CCDC171: variants seen among roughly 807,000 people sequenced by gnomAD.
CCDC171 encodes the protein coiled-coil domain-containing protein 171.
CCDC171 carries 177 observed loss-of-function variants against 168.2 expected under a neutral mutation model. The ratio of observed to expected loss-of-function variants is 1.05; its 90% CI spans 0.93 to 1.19. CCDC171 has a LOEUF of 1.19. Ranked by LOEUF, CCDC171 falls within the 50% of genes most tolerant of loss-of-function variation. The pLI, the probability that CCDC171 is intolerant of heterozygous loss-of-function variation, is 0.00. For synonymous variants in CCDC171, 687 were observed against 540.8 expected, an observed-to-expected ratio of 1.27 and a Z score of -3.75; for missense variants, 1,991 against 1,539.0, an observed-to-expected ratio of 1.29 and a Z score of -4.91.
intron 18 of CCDC171, among the ~76,000 whole-genome samples, chr9:15,770,327 C>T (rs1252567115): frequency 6.6e-6 from 1 of 152,110 alleles, no homozygotes; most frequent in Non-Finnish European, 1.5e-5. Flanking sequence ...TTTGAAATGT[C>T]CTGTCTTGTA....
At chr9:15,924,629 A>G (rs556396179) in intron 25 of CCDC171, among the ~76,000 whole-genome samples, 5 of 151,646 alleles carry the variant, frequency 3.3e-5, no homozygotes, top group South Asian at 2.1e-4. Flanking sequence ...AGCATATTCC[A>G]GTGACTGAGC....
chr9:16,019,646 C>T (rs1198713680), intron 3 of CCDC171, among the ~76,000 whole-genome samples: 1 of 152,122 alleles, frequency 6.6e-6, no homozygotes, highest in East Asian at 1.9e-4. Context: ...CTACAGTCTA[C>T]AATTACCATA....
intron 23 of CCDC171, among the ~76,000 whole-genome samples, chr9:15,872,366 T>C (rs1008059097): frequency 6.6e-6 from 1 of 152,074 alleles, no homozygotes; most frequent in Non-Finnish European, 1.5e-5. Context: ...ATTTAGAGAA[T>C]ATAAAATGTG....
chr9:15,695,316 G>C lies in CCDC171; in HGVS notation c.1297G>C (p.Val433Leu), dbSNP rs778747007. ...GGAATCGATCTTGGACAGCTTTACT[G>C]TGTCGGGCCAGTGGACATCAGGTTA... is the stretch of plus-strand genomic sequence containing the variant. ...ELESILDSFT[V>L]SGQWTSGIHK... Residue 433 changes from valine (V) to leucine (L), a missense_variant, in exon 11 of 26, where the codon GTG becomes CTG. Val to Leu is a conservative substitution (Grantham distance 32). Transcript: ENST00000380701. 1 of 1,613,948 alleles carries C rather than the reference G, an allele frequency of 6.2e-7. No individual in the cohort carries two copies.
the CCDC171 span, among the ~76,000 whole-genome samples, chr9:16,106,842 A>C: frequency 6.6e-6 from 1 of 152,150 alleles, no homozygotes; most frequent in Non-Finnish European, 1.5e-5. Context: ...CAGCACACTC[A>C]GGGTTTTCCT....
At chr9:15,720,508 T>C (rs2053407444) in intron 11 of CCDC171, among the ~76,000 whole-genome samples, 2 of 152,214 alleles carry the variant, frequency 1.3e-5, no homozygotes, top group Admixed American at 6.5e-5. Flanking sequence ...ATATGAATGC[T>C]GCTCTTAAAA....
chr9:15,715,876 A>C (rs2053044775), intron 11 of CCDC171, among the ~76,000 whole-genome samples: 1 of 152,226 alleles, frequency 6.6e-6, no homozygotes, highest in Non-Finnish European at 1.5e-5. Flanking sequence ...GTCTAAAAGG[A>C]AACGTGTAAA....
intron 1 of CCDC171, among the ~76,000 whole-genome samples, chr9:15,559,618 A>T (rs1413577218): frequency 2.0e-5 from 3 of 152,036 alleles, no homozygotes; most frequent in African/African-American, 4.8e-5. Context: ...TTTTAAGCCT[A>T]TGTGTGTCTC....
intron 25 of CCDC171, among the ~76,000 whole-genome samples, chr9:15,949,961 T>C (rs1183773028): frequency 1.3e-5 from 2 of 152,154 alleles, no homozygotes; most frequent in African/African-American, 4.8e-5. Flanking sequence ...ATAGCTCTTA[T>C]TATTTTGAGA....
intron 13 of CCDC171, 68 bp from the exon 14 acceptor site, chr9:15,724,708 A>C: frequency 1.0e-6 from 1 of 968,218 alleles, no homozygotes; most frequent in Non-Finnish European, 1.6e-6. Flanking sequence ...TATGTGTTTT[A>C]TACTAGTGTC....
Position 15,871,858 on chromosome 9 carries a change from G to A in CCDC171, c.3469-2674G>A, listed in dbSNP as rs1588941795. On this transcript the variant is annotated intron_variant, in intron 23 of 25. Coordinates refer to ENST00000380701, the MANE Select transcript of CCDC171 (RefSeq NM_173550.4). ...TTGCTGCATGATTTTATTTTTGCTT[G>A]TCTTAGTGTCACTGTTTTGGATTCT... is the stretch of plus-strand genomic sequence containing the variant. Among the ~76,000 whole-genome samples, 5 of 151,608 alleles carry A rather than the reference G, an allele frequency of 3.3e-5. No individual in the cohort carries two copies. In the South Asian group the frequency reaches 1.0e-3, roughly 31 times the overall value.
intron 18 of CCDC171, among the ~76,000 whole-genome samples, chr9:15,750,899 A>G (rs1026326954): frequency 2.0e-5 from 3 of 152,198 alleles, no homozygotes; most frequent in Non-Finnish European, 2.9e-5. Flanking sequence ...CACCACTCCT[A>G]TTCAACACAG....
intron 3 of CCDC171, among the ~76,000 whole-genome samples, chr9:16,000,728 C>CT (rs368139063): frequency 0.35 from 52,440 of 148,274 alleles, 10,653 homozygotes; most frequent in East Asian, 0.62. Flanking sequence ...TAAGAAGAGA[C>CT]TTTTTTTTTT....
chr9:16,066,260 C>G (rs942841512), downstream of CCDC171, among the ~76,000 whole-genome samples: 1 of 152,096 alleles, frequency 6.6e-6, no homozygotes, highest in Admixed American at 6.6e-5. Flanking sequence ...CTGTCTGCTG[C>G]GTTGGGTTAA....
intron 6 of CCDC171, among the ~76,000 whole-genome samples, chr9:15,600,763 T>C (rs2042781291): frequency 6.6e-6 from 1 of 152,212 alleles, no homozygotes; most frequent in African/African-American, 2.4e-5. Context: ...GCAGGCCTCC[T>C]TGAGCTGCGG....
chr9:15,796,963 C>T lies in CCDC171; in HGVS notation c.3267+12269C>T, dbSNP rs1043128343. Among the ~76,000 whole-genome samples the T allele has an allele frequency of 3.3e-5, 5 of 152,128 alleles. No individual in the cohort carries two copies. The South Asian group carries it at 8.3e-4, about 25-fold the overall frequency. On this transcript the variant is annotated intron_variant, in intron 21 of 25. Coordinates refer to ENST00000380701, the MANE Select transcript of CCDC171 (RefSeq NM_173550.4). Reference sequence around the variant, plus strand: ...TAAGTGTGAGTTTTTAAGAAACTGCCGAAATCTTTTTCAAAATTGGCTGCA... The same window carrying T: ...TAAGTGTGAGTTTTTAAGAAACTGCTGAAATCTTTTTCAAAATTGGCTGCA...
intron 6 of CCDC171, among the ~76,000 whole-genome samples, chr9:16,026,190 C>T (rs1046050584): frequency 6.6e-6 from 1 of 152,116 alleles, no homozygotes; most frequent in African/African-American, 2.4e-5. Flanking sequence ...GTTGTGGAGT[C>T]CTCTGCTTGG....
chr9:15,779,809 A>G (rs1225989660), intron 20 of CCDC171, among the ~76,000 whole-genome samples: 2 of 152,404 alleles, frequency 1.3e-5, no homozygotes, highest in South Asian at 4.1e-4. Flanking sequence ...GAAAAAGCAC[A>G]GTCGTATGCC....
At chr9:15,644,636 C>T (rs951823003) in intron 7 of CCDC171, among the ~76,000 whole-genome samples, 6 of 152,200 alleles carry the variant, frequency 3.9e-5, no homozygotes, top group Non-Finnish European at 7.4e-5. Context: ...CACGGAGCCT[C>T]GCTTATTGCT....
Sources: allele counts gnomAD v4.1 joint callset (sites outside exome capture counted in the v4.1 genomes callset), GRCh38; gene constraint gnomAD v4.1.1; transcripts MANE v1.5; gene names NCBI Gene and HGNC (gene_info 2026-07-23, HGNC 2026-07-21).